The following ABCC8 variants were observed in gnomAD, a reference collection of about 807,000 sequenced individuals.
ABCC8 encodes the protein ATP binding cassette subfamily C member 8.
ABCC8 carries 137 observed loss-of-function variants against 188.0 expected under a neutral mutation model. That is an observed-to-expected ratio of 0.73 (90% CI 0.63 to 0.84). ABCC8 has a LOEUF of 0.84. Among genes scored for constraint, ABCC8 ranks in the 40% least tolerant of loss-of-function variants. ABCC8 has a pLI of 0.00. For missense variants in ABCC8, 1,750 were observed against 2,072.7 expected, an observed-to-expected ratio of 0.84 and a Z score of 3.02; for synonymous variants, 797 against 846.5, an observed-to-expected ratio of 0.94 and a Z score of 1.01.
intron 2 of ABCC8, among the ~76,000 whole-genome samples, chr11:17,473,182 C>T (rs943494302): frequency 1.3e-5 from 2 of 151,694 alleles, no homozygotes; most frequent in East Asian, 3.9e-4. Flanking sequence ...TCTCCAAGGG[C>T]GGAGGTGTCT....
At chr11:17,433,526 T>C (rs1205237963) in intron 10 of ABCC8, among the ~76,000 whole-genome samples, 1 of 152,246 alleles carries the variant, frequency 6.6e-6, no homozygotes, top group Non-Finnish European at 1.5e-5. Context: ...GGTCCCCAAC[T>C]TCAGGGAATC....
Position 17,404,714 on chromosome 11 carries a change from A to T in ABCC8, c.3400-45T>A, listed in dbSNP as rs1370304392. On this transcript the variant is annotated intron_variant, in intron 27 of 38. Coordinates refer to ENST00000389817, the MANE Select transcript of ABCC8 (RefSeq NM_000352.6). The surrounding 1 kb of genome is among the most constrained non-coding windows in gnomAD (Gnocchi z 4.7). ...GAGAGTGAGGTGAATTTTGGTATTG[A>T]CTGTGTTTAGAGTGCTACTGGCCGC... 1.9e-6 allele frequency: 3 copies of T among 1,565,298 alleles called. No individual in the cohort carries two copies. Among genetic ancestry groups the T allele is most frequent in the Non-Finnish European group, 2.6e-6 (3 of 1,155,752 alleles).
At chr11:17,431,393 C>T (rs1226436716) in intron 11 of ABCC8, among the ~76,000 whole-genome samples, 1 of 152,250 alleles carries the variant, frequency 6.6e-6, no homozygotes, top group African/African-American at 2.4e-5. Flanking sequence ...CTGTTACCCA[C>T]AGTTCCCCCA....
rs1174336023 is a variant in ABCC8 at position 17,427,414 on chromosome 11, G to A, written c.2117-260C>T. Among the ~76,000 whole-genome samples, 4 of 151,928 alleles carry A rather than the reference G, an allele frequency of 2.6e-5. No homozygotes were observed. The highest frequency in any genetic ancestry group is 9.7e-5 in the African/African-American group (4 of 41,320). On this transcript the variant is annotated intron_variant, in intron 15 of 38. Coordinates refer to ENST00000389817, the MANE Select transcript of ABCC8 (RefSeq NM_000352.6). The surrounding 1 kb of genome is among the most constrained non-coding windows in gnomAD (Gnocchi z 5.0). ...TAAGCACTCGCTTCTCCTTTCCCAT[G>A]CTCCTAGTATGAGCCCAGGCTCCTT...
intron 17 of ABCC8, among the ~76,000 whole-genome samples, chr11:17,416,512 G>A (rs1246234306): frequency 1.3e-5 from 2 of 151,918 alleles, no homozygotes; most frequent in Non-Finnish European, 2.9e-5. Context: ...GAAACTAAAA[G>A]TACGTTCACC....
rs927085380 is a variant in ABCC8 at position 17,461,700 on chromosome 11, G to A, written c.705C>T (p.Ala235=). ...GCTTCTTGTGGGCAGTCTTGATGAAGGCGTTCATCCACCAGTAGGTGCCTT... is the reference window on the plus strand; with the variant it reads ...GCTTCTTGTGGGCAGTCTTGATGAAAGCGTTCATCCACCAGTAGGTGCCTT... The part of the protein sequence containing the change: ...LSKGTYWWMN[A]FIKTAHKKPI... The change falls in exon 5 of 39, where the codon GCC becomes GCT. Residue 235 remains alanine (A), a synonymous_variant. Coordinates refer to ENST00000389817, the MANE Select transcript of ABCC8 (RefSeq NM_000352.6). 1.9e-6 allele frequency: 3 copies of A among 1,614,088 alleles called. No individual in the cohort carries two copies. In the East Asian group the frequency reaches 6.7e-5, roughly 36 times the overall value.
chr11:17,475,531 C>G (rs944198723), intron 1 of ABCC8, among the ~76,000 whole-genome samples: 1 of 152,116 alleles, frequency 6.6e-6, no homozygotes. Flanking sequence ...GCCAAGGTAC[C>G]CCATTATACA....
At chr11:17,459,880 T>C (rs1392260695) in intron 6 of ABCC8, among the ~76,000 whole-genome samples, 1 of 152,222 alleles carries the variant, frequency 6.6e-6, no homozygotes, top group Non-Finnish European at 1.5e-5. Flanking sequence ...TATAATCTAG[T>C]CTAATAAGTC....
At chr11:17,408,538 G>T (rs753872643) in intron 22 of ABCC8, 21 bp from the exon 23 acceptor site, 2 of 1,603,472 alleles carry the variant, frequency 1.2e-6, no homozygotes, top group Non-Finnish European at 1.7e-6. Flanking sequence ...AGCAACAAAC[G>T]TGGTTTGGGG....
intron 7 of ABCC8, among the ~76,000 whole-genome samples, chr11:17,451,799 C>T (rs545592170): frequency 6.6e-6 from 1 of 152,350 alleles, no homozygotes; most frequent in African/African-American, 2.4e-5. Flanking sequence ...TCTTTCTAGA[C>T]TCTCTAGATA....
In ABCC8 at chr11:17,398,328, A is replaced by C. The variant is rs759513178; in HGVS notation, c.3753+11T>G. 1.2e-6 allele frequency: 2 copies of C among 1,613,956 alleles called. No homozygotes were observed. Among genetic ancestry groups the C allele is most frequent in the African/African-American group, 2.7e-5 (2 of 74,924 alleles). On this transcript the variant is annotated intron_variant, in intron 30 of 38. Coordinates refer to ENST00000389817, the MANE Select transcript of ABCC8 (RefSeq NM_000352.6). ...CTATCAGAGGCCAGGGTAGAGGGGA[A>C]TAGCACTTGCCATTCGGACTTCCAG...
intron 14 of ABCC8, 38 bp downstream of exon 14, chr11:17,428,251 T>C (rs767738715): frequency 6.8e-6 from 11 of 1,613,486 alleles, no homozygotes; most frequent in Non-Finnish European, 9.3e-6. Context: ...CTCTGGGAGT[T>C]GGTGCTGGGT....
intron 3 of ABCC8, among the ~76,000 whole-genome samples, chr11:17,465,210 C>A (rs1854522079): frequency 6.6e-6 from 1 of 152,236 alleles, no homozygotes; most frequent in Non-Finnish European, 1.5e-5. Flanking sequence ...AGGCTGTCCC[C>A]CTGCCTCCAC....
At chr11:17,458,789 T>C (rs75109674) in intron 6 of ABCC8, among the ~76,000 whole-genome samples, 2,746 of 152,312 alleles carry the variant, frequency 0.018, 96 homozygotes, top group African/African-American at 0.064. Context: ...GGCAAATTCC[T>C]ACTCATCCGT....
intron 30 of ABCC8, 36 bp from the exon 31 acceptor site, chr11:17,397,833 G>T (rs757575536): frequency 1.5e-5 from 24 of 1,610,950 alleles, no homozygotes; most frequent in Non-Finnish European, 1.8e-5. Flanking sequence ...GGCGCTCAGG[G>T]GTTAGAGCCA....
At position 17,413,394 on chromosome 11, in the gene ABCC8, C is replaced by T; in HGVS notation, c.2475G>A (p.Arg825=). 1 of 1,614,224 alleles carries T rather than the reference C, an allele frequency of 6.2e-7. No homozygotes were observed. Among genetic ancestry groups the T allele is most frequent in the South Asian group, 1.1e-5 (1 of 91,080 alleles). ...PHGDQTQIGE[R]GINLSGGQRQ... is the part of the protein sequence containing the mutation. The stretch of plus-strand genomic sequence containing the variant: ...AAACCCCTCAGAGGCTGCTACTAAC[C>T]CGTTCCCCAATCTGGGTCTGGTCTC... The change falls in exon 20 of 39, where the codon CGG becomes CGA. Residue 825 remains arginine (R), a splice_region_variant and synonymous_variant. Coordinates refer to ENST00000389817, the MANE Select transcript of ABCC8 (RefSeq NM_000352.6).
intron 10 of ABCC8, among the ~76,000 whole-genome samples, chr11:17,435,455 T>C (rs1217525660): frequency 6.6e-6 from 1 of 151,938 alleles, no homozygotes; most frequent in Admixed American, 6.6e-5. Context: ...AAAGGGGAGT[T>C]TTTTCAGCCA....
At chr11:17,471,159 C>CCAGTGTGTG (rs1848456612) in intron 2 of ABCC8, among the ~76,000 whole-genome samples, 1 of 152,236 alleles carries the variant, frequency 6.6e-6, no homozygotes, top group Non-Finnish European at 1.5e-5. Context: ...CTACTTCTAT[C>CCAGTGTGTG]CAGTGTGCCA....
chr11:17,451,280 T>G (rs933146062), intron 7 of ABCC8, among the ~76,000 whole-genome samples: 12 of 152,158 alleles, frequency 7.9e-5, no homozygotes, highest in African/African-American at 2.9e-4. Flanking sequence ...CTAGAGAAGT[T>G]TTCTGAACTG....
Sources: gnomAD v4.1 joint callset for allele counts (sites outside exome capture counted in the v4.1 genomes callset) on GRCh38, gnomAD v4.1.1 for gene constraint, Gnocchi (gnomAD v3.1) non-coding constraint, MANE v1.5 for transcripts, NCBI Gene and HGNC (gene_info 2026-07-23, HGNC 2026-07-21) for gene names.